Variants in IGF1 observed in about 807,000 individuals in gnomAD.
The protein encoded by IGF1 is insulin-like growth factor 1.
A neutral mutation model predicts 13.8 loss-of-function variants in IGF1; 4 were observed. That is an observed-to-expected ratio of 0.29 (90% CI 0.14 to 0.66). The LOEUF (loss-of-function observed/expected upper bound fraction) is 0.66, where lower values mean the gene tolerates loss of function less well. IGF1 is among the 30% of genes least tolerant of loss of function. The probability of loss-of-function intolerance (pLI) is 0.78; values close to 1 mark genes in which losing one functional copy is unlikely to be tolerated. For missense variants in IGF1, 124 were observed against 188.5 expected, an observed-to-expected ratio of 0.66 and a Z score of 2.00; for synonymous variants, 76 against 72.6, an observed-to-expected ratio of 1.05 and a Z score of -0.23.
At chr12:102,417,912 GTCCCCTCCTTCTGT>G in intron 3 of IGF1, 1 of 1,613,572 alleles carries the variant, frequency 6.2e-7, no homozygotes, top group South Asian at 1.1e-5. Context: ...ACTTGCTTCT[GTCCCCTCCTTCTGT>G]TCCCCTCCTG....
In IGF1 at chr12:102,414,704, A is replaced by G. The variant is rs971104929; in HGVS notation, c.402+4805T>C. Among the ~76,000 whole-genome samples the G allele has an allele frequency of 5.9e-5, 9 of 152,168 alleles. No individual in the cohort carries two copies. In the East Asian group the frequency reaches 1.5e-3, roughly 26 times the overall value. ...CTCCCAAAGTGCTAGGATTACAGGCATGAGCCACTGTGCCCAGCCTTAAGG... is the reference window on the plus strand; with the variant it reads ...CTCCCAAAGTGCTAGGATTACAGGCGTGAGCCACTGTGCCCAGCCTTAAGG... On this transcript the variant is annotated intron_variant, in intron 3 of 3. Transcript: ENST00000337514.
chr12:102,414,771 G>T (rs945912815), intron 3 of IGF1, among the ~76,000 whole-genome samples: 3 of 152,152 alleles, frequency 2.0e-5, no homozygotes, highest in African/African-American at 7.2e-5. Context: ...TCTTGTTCAT[G>T]CCTAGTACAG....
chr12:102,458,135 A>C (rs370781248), intron 2 of IGF1, among the ~76,000 whole-genome samples: 2 of 152,222 alleles, frequency 1.3e-5, no homozygotes, highest in East Asian at 1.9e-4. Context: ...TCTGCAGGGC[A>C]AACAGGAATG....
chr12:102,452,249 G>A (rs1221240807), intron 2 of IGF1, among the ~76,000 whole-genome samples: 2 of 100,624 alleles, frequency 2.0e-5, no homozygotes, highest in African/African-American at 3.9e-5. Flanking sequence ...GCGACAGAGC[G>A]AGACTCCGTC....
At chr12:102,452,951 C>T (rs1024148527) in intron 2 of IGF1, among the ~76,000 whole-genome samples, 9 of 152,024 alleles carry the variant, frequency 5.9e-5, no homozygotes, top group Non-Finnish European at 1.3e-4. Context: ...CCTGTGAAAA[C>T]TTGTGACTTC....
At position 102,402,202 on chromosome 12, in the gene IGF1, G is replaced by C. The variant is rs1873736561; in HGVS notation, c.*305C>G. ...GGATCTATACAACACCCATGCATTT[G>C]TGGCTCTTGAGAGGCAGGGACTAAG... On this transcript the variant is annotated 3_prime_UTR_variant, in exon 4 of 4. Coordinates refer to ENST00000337514, the MANE Select transcript of IGF1 (RefSeq NM_000618.5). The C allele has an allele frequency of 1.1e-5, 2 of 185,170 alleles. No homozygotes were observed. The highest frequency in any genetic ancestry group is 4.8e-5 in the African/African-American group (2 of 41,870). The allele number at this position is 185,170 out of a possible 1,614,324, so 11.5% of individuals were successfully genotyped here. A position where few individuals can be genotyped will look rare whatever the true frequency, so the allele number is the denominator to read the frequency against.
intron 3 of IGF1, among the ~76,000 whole-genome samples, chr12:102,404,973 G>T (rs908146494): frequency 6.6e-6 from 1 of 151,952 alleles, no homozygotes; most frequent in Admixed American, 6.6e-5. Context: ...TGGCCAGGTT[G>T]GTCTCGAACT....
intron 3 of IGF1, among the ~76,000 whole-genome samples, chr12:102,419,088 G>A (rs2136998679): frequency 6.6e-6 from 1 of 152,308 alleles, no homozygotes. Context: ...CATGTGAAAA[G>A]CATCTCAAAG....
In IGF1 at chr12:102,401,382, C is replaced by T. The variant is rs777355855; in HGVS notation, c.*1125G>A. The T allele has an allele frequency of 1.3e-5, 2 of 152,586 alleles. No homozygotes were observed. The highest frequency in any genetic ancestry group is 4.8e-5 in the African/African-American group (2 of 41,452). The allele number at this position is 152,586 out of a possible 1,614,324, so 9.5% of individuals were successfully genotyped here. A position where few individuals can be genotyped will look rare whatever the true frequency, so the allele number is the denominator to read the frequency against. On this transcript the variant is annotated 3_prime_UTR_variant, in exon 4 of 4. Transcript: ENST00000337514. ...TTCTGCTTTTTCCATTCCACAGTTT[C>T]CTCTCTGGACTCGCCAGTCCAATTT...
chr12:102,404,763 G>T (rs184852831), intron 3 of IGF1, among the ~76,000 whole-genome samples: 13 of 145,042 alleles, frequency 9.0e-5, no homozygotes, highest in African/African-American at 1.3e-4. Context: ...TTTTTTTGTT[G>T]TTTTTTTTTT....
chr12:102,474,830 C>A (rs1880911444), intron 2 of IGF1, among the ~76,000 whole-genome samples: 1 of 152,196 alleles, frequency 6.6e-6, no homozygotes, highest in Non-Finnish European at 1.5e-5. Context: ...CCACAGGAAT[C>A]ATTGACTTTT....
intron 2 of IGF1, among the ~76,000 whole-genome samples, chr12:102,466,736 T>C (rs927082697): frequency 6.6e-6 from 1 of 151,956 alleles, no homozygotes; most frequent in Non-Finnish European, 1.5e-5. Flanking sequence ...ACCCCATCTC[T>C]ACAAAAAAAT....
At chr12:102,423,397 C>T (rs1875920731) in intron 2 of IGF1, among the ~76,000 whole-genome samples, 1 of 151,578 alleles carries the variant, frequency 6.6e-6, no homozygotes, top group South Asian at 2.1e-4. Context: ...AATGAATAGG[C>T]ATGTATAACA....
chr12:102,449,829 C>T (rs1396629291), intron 2 of IGF1, among the ~76,000 whole-genome samples: 1 of 151,892 alleles, frequency 6.6e-6, no homozygotes, highest in Non-Finnish European at 1.5e-5. Flanking sequence ...AACTCTTGCC[C>T]TCTGGATCAC....
chr12:102,438,279 A>C (rs1165048078), intron 2 of IGF1, among the ~76,000 whole-genome samples: 1 of 152,238 alleles, frequency 6.6e-6, no homozygotes, highest in Non-Finnish European at 1.5e-5. Context: ...ACTGGCCTGC[A>C]CATTGGCTGC....
chr12:102,402,371 C>A lies in IGF1; in HGVS notation c.*136G>T, dbSNP rs1873753195. 9 of 765,308 alleles carry A rather than the reference C, an allele frequency of 1.2e-5. No individual in the cohort carries two copies. In the South Asian group the frequency reaches 1.2e-4, roughly 11 times the overall value. The allele number at this position is 765,308 out of a possible 1,614,324, so 47.4% of individuals were successfully genotyped here. ...TGTTGGAATGTTTACTTGTGTATTTCATTGGGGGAAACGCCCATCTTTTAA... is the reference window on the plus strand; with the variant it reads ...TGTTGGAATGTTTACTTGTGTATTTAATTGGGGGAAACGCCCATCTTTTAA... On this transcript the variant is annotated 3_prime_UTR_variant, in exon 4 of 4. Transcript: ENST00000337514.
intron 2 of IGF1, among the ~76,000 whole-genome samples, chr12:102,430,900 C>T (rs928404441): frequency 6.6e-6 from 1 of 152,254 alleles, no homozygotes; most frequent in Non-Finnish European, 1.5e-5. Context: ...TTCAGAACAT[C>T]TGTGCCTTCT....
intron 3 of IGF1, among the ~76,000 whole-genome samples, chr12:102,419,181 G>T (rs1396213221): frequency 6.6e-6 from 1 of 152,214 alleles, no homozygotes; most frequent in Non-Finnish European, 1.5e-5. Flanking sequence ...TGAAACTGAG[G>T]CTTGGGTACA....
Position 102,412,839 on chromosome 12 carries a change from TAC to T in IGF1, c.402+6668_402+6669del, listed in dbSNP as rs1326185204. Among the ~76,000 whole-genome samples, 5 of 152,178 alleles carry T rather than the reference TAC, an allele frequency of 3.3e-5. No individual in the cohort carries two copies. The East Asian group carries it at 9.6e-4, about 29-fold the overall frequency. On this transcript the variant is annotated intron_variant, in intron 3 of 3. Transcript: ENST00000337514. ...ATTTCTCTCTTCTGGAATTTAAACATACGTTTATATTTTTAAATCATTTCTTT... is the reference window on the plus strand; with the variant it reads ...ATTTCTCTCTTCTGGAATTTAAACATGTTTATATTTTTAAATCATTTCTTT...
Sources: gnomAD v4.1 joint callset for allele counts (sites outside exome capture counted in the v4.1 genomes callset) on GRCh38, gnomAD v4.1.1 for gene constraint, MANE v1.5 for transcripts, NCBI Gene and HGNC (gene_info 2026-07-23, HGNC 2026-07-21) for gene names.